The following ANK2 variants were observed in gnomAD, a reference collection of about 807,000 sequenced individuals.
ANK2 encodes the protein ankyrin-2.
A neutral mutation model predicts 360.5 loss-of-function variants in ANK2; 83 were observed. The observed-to-expected ratio is 0.23, with a 90% CI of 0.19 to 0.28. The LOEUF is 0.28. Among genes scored for constraint, ANK2 ranks in the 10% least tolerant of loss-of-function variants. The pLI is 1.00. For missense variants in ANK2, 4,201 were observed against 4,795.7 expected, an observed-to-expected ratio of 0.88 and a Z score of 3.66; for synonymous variants, 1,740 against 1,759.5, an observed-to-expected ratio of 0.99 and a Z score of 0.28.
chr4:113,151,264 T>G (rs2097070340), intron 1 of ANK2: 1 of 639,328 alleles, frequency 1.6e-6, no homozygotes. Flanking sequence ...TTCATTTGTG[T>G]AGCTACAAAA....
At chr4:112,849,916 C>T (rs892893526) in intron 1 of ANK2, among the ~76,000 whole-genome samples, 7 of 152,144 alleles carry the variant, frequency 4.6e-5, no homozygotes, top group East Asian at 1.9e-4. Context: ...TCACCAATAT[C>T]GGCGGGCATC....
rs769540083 is a variant in ANK2, at chr4:113,354,369, G to A, written c.5751G>A (p.Ser1917=). 3.1e-6 allele frequency: 5 copies of A among 1,613,874 alleles called. No individual in the cohort carries two copies. The highest frequency in any genetic ancestry group is 2.2e-5 in the East Asian group (1 of 44,842). ...AAACAGACAAACGTCCACCTGTATC[G>A]CCCTCCGGGAGGACAGAAAAACACC... ...SGKTDKRPPV[S]PSGRTEKHPP... Residue 1917 remains serine (S), a synonymous_variant, in exon 38 of 46, where the codon TCG becomes TCA. Coordinates refer to ENST00000357077, the MANE Select transcript of ANK2 (RefSeq NM_001148.6).
chr4:112,914,425 A>G (rs1408713458), intron 2 of ANK2, among the ~76,000 whole-genome samples: 4 of 152,094 alleles, frequency 2.6e-5, no homozygotes, highest in African/African-American at 9.7e-5. Flanking sequence ...GTTGGAGACC[A>G]GCCTGGCCAA....
At chr4:113,286,010 A>AT (rs1176179628) in intron 18 of ANK2, among the ~76,000 whole-genome samples, 1 of 152,216 alleles carries the variant, frequency 6.6e-6, no homozygotes, top group Non-Finnish European at 1.5e-5. Flanking sequence ...AACTGCAGAG[A>AT]TTTTCATACT....
intron 2 of ANK2, among the ~76,000 whole-genome samples, chr4:113,039,209 T>A (rs1174865780): frequency 2.0e-5 from 3 of 151,966 alleles, no homozygotes; most frequent in Non-Finnish European, 2.9e-5. Context: ...TAAACTGACT[T>A]CCTTTGCCAT....
chr4:113,377,028 C>G (rs2096969151), intron 45 of ANK2, among the ~76,000 whole-genome samples: 1 of 151,908 alleles, frequency 6.6e-6, no homozygotes, highest in South Asian at 2.1e-4. Context: ...TGATAATTAA[C>G]TGTTTTTTAA....
the ANK2 span, among the ~76,000 whole-genome samples, chr4:112,724,755 A>G: frequency 2.7e-3 from 417 of 152,326 alleles, 1 homozygote; most frequent in Middle Eastern, 0.037. Flanking sequence ...AATGTTCTTT[A>G]GAAATTAAAA....
At chr4:113,157,568 A>G (rs1388648141) in intron 1 of ANK2, among the ~76,000 whole-genome samples, 1 of 152,218 alleles carries the variant, frequency 6.6e-6, no homozygotes, top group Admixed American at 6.5e-5. Context: ...TTGGTATTCC[A>G]CAGGTGGCAA....
chr4:113,129,630 T>G (rs777609635), intron 1 of ANK2, among the ~76,000 whole-genome samples: 1 of 152,194 alleles, frequency 6.6e-6, no homozygotes, highest in African/African-American at 2.4e-5. Flanking sequence ...GTACATTAAA[T>G]GATATAACCA....
intron 37 of ANK2, among the ~76,000 whole-genome samples, chr4:113,351,174 T>C (rs754102406): frequency 3.9e-5 from 6 of 152,208 alleles, no homozygotes; most frequent in Non-Finnish European, 7.4e-5. Flanking sequence ...TTAAAGTTTA[T>C]TGAATATCAA....
the ANK2 span, among the ~76,000 whole-genome samples, chr4:112,800,556 C>T: frequency 6.6e-6 from 1 of 152,086 alleles, no homozygotes; most frequent in Non-Finnish European, 1.5e-5. Flanking sequence ...AGAATGGTAC[C>T]AGTTATTTGC....
chr4:112,940,939 A>T (rs2094160453), intron 2 of ANK2, among the ~76,000 whole-genome samples: 2 of 152,052 alleles, frequency 1.3e-5, no homozygotes, highest in Non-Finnish European at 2.9e-5. Context: ...AAAACTTAAC[A>T]TCTATGGGAG....
intron 23 of ANK2, among the ~76,000 whole-genome samples, chr4:113,308,489 G>A (rs1290044347): frequency 2.6e-5 from 4 of 152,186 alleles, no homozygotes; most frequent in Non-Finnish European, 5.9e-5. Flanking sequence ...GTGATAATAT[G>A]TGAAATAAGA....
intron 1 of ANK2, among the ~76,000 whole-genome samples, chr4:113,136,747 A>G (rs2096433577): frequency 7.0e-6 from 1 of 141,932 alleles, no homozygotes; most frequent in African/African-American, 2.6e-5. Context: ...ATACCACATT[A>G]TTAAGGATTT....
At chr4:113,111,610 G>A (rs72892009) in intron 1 of ANK2, among the ~76,000 whole-genome samples, 2,355 of 152,150 alleles carry the variant, frequency 0.015, 57 homozygotes, top group African/African-American at 0.053. Context: ...TTTAAAACAC[G>A]GCAATAAATA....
rs34725737 is a variant in ANK2 at position 113,255,692 on chromosome 4, G to GA, written c.991-32dup. The GA allele has an allele frequency of 0.045, 45,276 of 1,003,576 alleles. No individual in the cohort carries two copies. The highest frequency in any genetic ancestry group is 0.051 in the Non-Finnish European group (37,113 of 728,088). The allele number at this position is 1,003,576 out of a possible 1,614,324, so 62.2% of individuals were successfully genotyped here. On this transcript the variant is annotated intron_variant, in intron 10 of 45. Coordinates refer to ENST00000357077, the MANE Select transcript of ANK2 (RefSeq NM_001148.6). The stretch of plus-strand genomic sequence containing the variant: ...CTGTACTTTGGAACCTGAAAATAAT[G>GA]AAAAAAAAAAAGGACATTATTTTGT...
At chr4:112,726,392 C>T in the ANK2 span, among the ~76,000 whole-genome samples, 43 of 152,150 alleles carry the variant, frequency 2.8e-4, no homozygotes, top group African/African-American at 1.0e-3. Flanking sequence ...GTTGACTTAC[C>T]TCAGACATAT....
Position 113,023,982 on chromosome 4 carries a change from G to A in ANK2, c.21+119468G>A, listed in dbSNP as rs181104764. Among the ~76,000 whole-genome samples the A allele has an allele frequency of 5.3e-5, 8 of 152,272 alleles. No homozygotes were observed. In the East Asian group the frequency reaches 1.5e-3, roughly 29 times the overall value. On this transcript the variant is annotated intron_variant, in intron 2 of 30. Coordinates refer to the ANK2 transcript ENST00000503271. ...GATAATTTTGAAAGGCAACAGTGAA[G>A]GAAACAGATAAAGTCCCTTTCTTCC...
At chr4:112,775,921 T>C in the ANK2 span, among the ~76,000 whole-genome samples, 5 of 152,222 alleles carry the variant, frequency 3.3e-5, no homozygotes, top group Non-Finnish European at 5.9e-5. Flanking sequence ...TTAAAACATG[T>C]TGCAGCCCAG....
Sources: gnomAD v4.1 joint callset for allele counts (sites outside exome capture counted in the v4.1 genomes callset) on GRCh38, gnomAD v4.1.1 for gene constraint, MANE v1.5 for transcripts, NCBI Gene and HGNC (gene_info 2026-07-23, HGNC 2026-07-21) for gene names.